Variants in LRP1B observed in about 807,000 individuals in gnomAD.
The protein encoded by LRP1B is low-density lipoprotein receptor-related protein 1B.
A neutral mutation model predicts 556.6 loss-of-function variants in LRP1B; 217 were observed. The ratio of observed to expected loss-of-function variants is 0.39; its 90% confidence interval spans 0.35 to 0.44. The LOEUF (loss-of-function observed/expected upper bound fraction) is 0.44, where lower values mean the gene tolerates loss of function less well. Among genes scored for constraint, LRP1B ranks in the 20% least tolerant of loss-of-function variants. The pLI, the probability that LRP1B is intolerant of heterozygous loss-of-function variation, is 1.00. For synonymous variants in LRP1B, 2,047 were observed against 1,865.8 expected (o/e 1.10, Z -2.50); for missense variants, 5,053 against 5,620.8 (o/e 0.90, Z 3.23).
At chr2:140,583,205 T>C (rs1377269633) in intron 43 of LRP1B, among the ~76,000 whole-genome samples, 1 of 133,984 alleles carries the variant, frequency 7.5e-6, no homozygotes, top group East Asian at 2.3e-4. Context: ...AGACAGCATC[T>C]CTCTCTGTTG....
intron 1 of LRP1B, among the ~76,000 whole-genome samples, chr2:142,002,284 C>T (rs1348912013): frequency 6.6e-6 from 1 of 152,024 alleles, no homozygotes; most frequent in East Asian, 1.9e-4. Context: ...ATGTTAATTG[C>T]AATATCAAAA....
chr2:141,284,187 T>TA (rs2105394248), intron 3 of LRP1B, among the ~76,000 whole-genome samples: 2 of 152,258 alleles, frequency 1.3e-5, no homozygotes, highest in South Asian at 4.1e-4. Context: ...AAGAAGGGAC[T>TA]AGCTCACAGA....
At chr2:140,994,175 C>A in intron 15 of LRP1B, 40 bp from the exon 16 acceptor site, 1 of 1,568,534 alleles carries the variant, frequency 6.4e-7, no homozygotes, top group South Asian at 1.1e-5. Flanking sequence ...ATAATGCTAG[C>A]TACAGTCAGT....
chr2:141,963,063 CAA>C (rs1222171410), intron 1 of LRP1B, among the ~76,000 whole-genome samples: 1 of 151,670 alleles, frequency 6.6e-6, no homozygotes, highest in African/African-American at 2.4e-5. Context: ...ATAGAGAACA[CAA>C]GAGGGTTTTT....
intron 72 of LRP1B, among the ~76,000 whole-genome samples, chr2:140,364,422 T>C (rs1185950867): frequency 6.6e-6 from 1 of 151,664 alleles, no homozygotes; most frequent in African/African-American, 2.4e-5. Context: ...CCATAATCTC[T>C]CTTCTGAATA....
intron 36 of LRP1B, among the ~76,000 whole-genome samples, chr2:140,716,337 TA>T: frequency 6.6e-6 from 1 of 152,188 alleles, no homozygotes; most frequent in African/African-American, 2.4e-5. Flanking sequence ...ATTTACATGG[TA>T]AAACGAAGTT....
chr2:142,005,055 T>C (rs1289433048), intron 1 of LRP1B, among the ~76,000 whole-genome samples: 1 of 148,380 alleles, frequency 6.7e-6, no homozygotes, highest in East Asian at 1.9e-4. Flanking sequence ...TTTAGTACTA[T>C]AATTATATAT....
intron 1 of LRP1B, among the ~76,000 whole-genome samples, chr2:141,926,389 TC>T (rs1700334683): frequency 1.3e-5 from 2 of 152,122 alleles, no homozygotes; most frequent in African/African-American, 4.8e-5. Context: ...CTGACTTTTT[TC>T]CCCTCTATTG....
chr2:140,898,306 G>C (rs1694008239), intron 23 of LRP1B: 1 of 152,986 alleles, frequency 6.5e-6, no homozygotes, highest in Admixed American at 6.5e-5. Context: ...CTATCACCAG[G>C]TTCCTATCCA....
rs2105348226 is a variant in LRP1B, at chr2:140,475,321, C to G, written c.9442G>C (p.Asp3148His). ...DPQAGYLYWIDCCEYPHIGRV... is the reference protein window; with the variant it reads ...DPQAGYLYWIHCCEYPHIGRV... Reference sequence around the variant, plus strand: ...CCAATATGAGGATACTCGCAGCAGTCAATCCAATACAAATATCTAGGAAAG... The same window carrying G: ...CCAATATGAGGATACTCGCAGCAGTGAATCCAATACAAATATCTAGGAAAG... The change falls in exon 60 of 91, where the codon GAC becomes CAC. Residue 3148 changes from aspartate (D) to histidine (H), a missense_variant. Physicochemically the swap from Asp to His is moderately conservative, Grantham distance 81 (BLOSUM62 -1). Around this residue, in one of 5 missense-constraint regions of LRP1B, gnomAD observed 3,619 missense variants for 3,931.9 expected, o/e 0.92. Coordinates refer to ENST00000389484, the MANE Select transcript of LRP1B (RefSeq NM_018557.3). 1 of 1,601,740 alleles carries G rather than the reference C, an allele frequency of 6.2e-7. No homozygotes were observed. The highest frequency in any genetic ancestry group is 1.1e-5 in the South Asian group (1 of 89,698).
chr2:140,299,755 T>A (rs935617641), intron 83 of LRP1B, among the ~76,000 whole-genome samples: 4 of 152,012 alleles, frequency 2.6e-5, no homozygotes, highest in African/African-American at 4.8e-5. Context: ...AAGTAATTCT[T>A]CAATTACAGT....
chr2:140,310,528 T>C (rs192686249), intron 83 of LRP1B, among the ~76,000 whole-genome samples: 2 of 151,480 alleles, frequency 1.3e-5, no homozygotes, highest in African/African-American at 4.8e-5. Context: ...CAAAAGAGCA[T>C]GGTTCTGGTA....
At chr2:140,258,111 A>G (rs1681775843) in intron 86 of LRP1B, among the ~76,000 whole-genome samples, 1 of 152,130 alleles carries the variant, frequency 6.6e-6, no homozygotes, top group Admixed American at 6.6e-5. Flanking sequence ...TGTTGCAACA[A>G]AGGCTTCTCC....
chr2:141,844,764 T>G (rs1435596), intron 1 of LRP1B, among the ~76,000 whole-genome samples: 23,779 of 151,756 alleles, frequency 0.16, 1,957 homozygotes, highest in Non-Finnish European at 0.18. Flanking sequence ...GTTATATAGT[T>G]AAATTTGAAA....
At chr2:141,197,706 T>C (rs1279365517) in intron 6 of LRP1B, among the ~76,000 whole-genome samples, 2 of 152,114 alleles carry the variant, frequency 1.3e-5, no homozygotes, top group Admixed American at 6.6e-5. Context: ...TACTGCAGTT[T>C]CCAGGAGGGA....
chr2:141,175,951 A>C (rs539217367), intron 7 of LRP1B, among the ~76,000 whole-genome samples: 34 of 152,184 alleles, frequency 2.2e-4, no homozygotes, highest in Admixed American at 1.8e-3. Flanking sequence ...ATCATTTCAG[A>C]ATTTTAGGAT....
chr2:141,947,150 G>A (rs530685326), intron 1 of LRP1B, among the ~76,000 whole-genome samples: 1 of 152,242 alleles, frequency 6.6e-6, no homozygotes, highest in East Asian at 1.9e-4. Context: ...GGTAAAGGAA[G>A]GCCAGGCACG....
At chr2:140,984,900 A>G (rs897200024) in intron 17 of LRP1B, among the ~76,000 whole-genome samples, 4 of 152,118 alleles carry the variant, frequency 2.6e-5, no homozygotes, top group Admixed American at 6.6e-5. Context: ...TATCTATATG[A>G]TATAATCAAG....
chr2:140,517,624 T>C (rs1196318858), intron 49 of LRP1B, among the ~76,000 whole-genome samples: 1 of 151,630 alleles, frequency 6.6e-6, no homozygotes, highest in Non-Finnish European at 1.5e-5. Flanking sequence ...AATTATTTTG[T>C]AAATTATATA....
Sources: gnomAD v4.1 joint callset for allele counts (sites outside exome capture counted in the v4.1 genomes callset) on GRCh38, gnomAD v4.1.1 for gene constraint, gnomAD v4.1.1 regional missense constraint, MANE v1.5 for transcripts, NCBI Gene and HGNC (gene_info 2026-07-23, HGNC 2026-07-21) for gene names.